ADGRV1: variants seen among roughly 807,000 people sequenced by gnomAD.
ADGRV1 encodes adhesion G protein-coupled receptor V1.
A neutral mutation model predicts 596.2 loss-of-function variants in ADGRV1; 359 were observed. That is an observed-to-expected ratio of 0.60 (90% CI 0.55 to 0.66). The LOEUF (loss-of-function observed/expected upper bound fraction) is 0.66. Ranked by LOEUF, ADGRV1 falls within the 30% of genes least tolerant of loss-of-function variation. The probability of loss-of-function intolerance (pLI) is 0.00; values close to 1 mark genes in which losing one functional copy is unlikely to be tolerated. For synonymous variants in ADGRV1, 2,681 were observed against 2,679.2 expected (o/e 1.00, Z -0.02); for missense variants, 7,274 against 7,575.6 (o/e 0.96, Z 1.48).
chr5:90,745,026 T>G lies in ADGRV1; in HGVS notation c.10550-20T>G. 6.3e-7 allele frequency: 1 copy of G among 1,597,822 alleles called. No homozygotes were observed. Among genetic ancestry groups the G allele is most frequent in the South Asian group, 1.1e-5 (1 of 90,294 alleles). On this transcript the variant is annotated intron_variant, in intron 50 of 89. Coordinates refer to ENST00000405460, the MANE Select transcript of ADGRV1 (RefSeq NM_032119.4). ...ACAGTTTATATCTCACTCAAGTTGTTTTTTCTTTCCTTCCTGCAGCCCACA... is the reference window on the plus strand; with the variant it reads ...ACAGTTTATATCTCACTCAAGTTGTGTTTTCTTTCCTTCCTGCAGCCCACA...
chr5:90,833,449 T>C (rs1157199211), intron 77 of ADGRV1, among the ~76,000 whole-genome samples: 3 of 152,030 alleles, frequency 2.0e-5, no homozygotes, highest in Non-Finnish European at 4.4e-5. Flanking sequence ...CACACCTGGC[T>C]AATTTTTGTA....
chr5:90,806,891 C>G (rs1204687664), intron 72 of ADGRV1, among the ~76,000 whole-genome samples: 1 of 151,368 alleles, frequency 6.6e-6, no homozygotes, highest in Non-Finnish European at 1.5e-5. Context: ...CTTGCTCTGT[C>G]ACCCATGCTG....
At chr5:90,724,277 T>C (rs1193890814) in intron 45 of ADGRV1, among the ~76,000 whole-genome samples, 2 of 152,296 alleles carry the variant, frequency 1.3e-5, no homozygotes, top group Admixed American at 1.3e-4. Flanking sequence ...TCACCCAAGC[T>C]GGAGTGCAGT....
chr5:90,999,322 A>G (rs560569096), intron 85 of ADGRV1, among the ~76,000 whole-genome samples: 2 of 152,152 alleles, frequency 1.3e-5, no homozygotes, highest in South Asian at 2.1e-4. Context: ...TCCATCTACA[A>G]TAATAGTACA....
At chr5:90,659,997 A>G (rs965637297) in intron 21 of ADGRV1, among the ~76,000 whole-genome samples, 4 of 151,952 alleles carry the variant, frequency 2.6e-5, no homozygotes, top group Admixed American at 6.6e-5. Context: ...GTGCCACTGC[A>G]CTCCAGCGTG....
rs114976233 is a variant in ADGRV1, at chr5:90,912,437, G to T, written c.17856+48580G>T. ...CATATGCAGATTTGTTAGTTACAGG[G>T]TATATTGCATGATGCTGAGGTTTGG... On this transcript the variant is annotated intron_variant, in intron 83 of 89. Transcript: ENST00000405460. 4.5e-3 allele frequency among the ~76,000 whole-genome samples: 691 copies of T among 152,224 alleles called. 3 individuals carry two copies. The highest frequency in any genetic ancestry group is 0.015 in the African/African-American group (638 of 41,548).
At chr5:91,039,774 T>C (rs2151269619) in intron 85 of ADGRV1, among the ~76,000 whole-genome samples, 1 of 152,186 alleles carries the variant, frequency 6.6e-6, no homozygotes, top group Middle Eastern at 3.2e-3. Context: ...TGCAGTAATA[T>C]ACATTAAAAG....
At chr5:90,731,641 G>T (rs1752560423) in intron 50 of ADGRV1, among the ~76,000 whole-genome samples, 1 of 152,172 alleles carries the variant, frequency 6.6e-6, no homozygotes, top group African/African-American at 2.4e-5. Flanking sequence ...AGCGACAGAG[G>T]ATTTGACCAG....
intron 79 of ADGRV1, among the ~76,000 whole-genome samples, chr5:90,851,102 G>GGTGT (rs371933419): frequency 0.048 from 2,429 of 50,510 alleles, 75 homozygotes; most frequent in Middle Eastern, 0.086. Context: ...AGCTAGGTAG[G>GGTGT]GTGTGTGTGT....
At chr5:90,795,829 G>A (rs1760641939) in intron 70 of ADGRV1, among the ~76,000 whole-genome samples, 1 of 152,220 alleles carries the variant, frequency 6.6e-6, no homozygotes, top group Non-Finnish European at 1.5e-5. Flanking sequence ...CTGTTCTGCA[G>A]CCTCTGCTGG....
chr5:91,114,245 G>T (rs955047677), intron 87 of ADGRV1, among the ~76,000 whole-genome samples: 2 of 150,886 alleles, frequency 1.3e-5, no homozygotes, highest in East Asian at 3.9e-4. Context: ...ACAGAAAGAT[G>T]GCTGGGTGCA....
intron 34 of ADGRV1, among the ~76,000 whole-genome samples, chr5:90,699,472 CAA>C (rs1381219861): frequency 6.6e-6 from 1 of 152,082 alleles, no homozygotes; most frequent in Non-Finnish European, 1.5e-5. Context: ...AAGGTACAAA[CAA>C]GAGCTGAGAT....
At chr5:90,786,886 G>A (rs1487099544) in intron 67 of ADGRV1, among the ~76,000 whole-genome samples, 2 of 152,132 alleles carry the variant, frequency 1.3e-5, no homozygotes, top group African/African-American at 2.4e-5. Context: ...GGCAGCATGC[G>A]ACTGTGTGTT....
At chr5:90,638,054 AGTC>A in intron 11 of ADGRV1, 106 bp downstream of exon 11, 2 of 792,986 alleles carry the variant, frequency 2.5e-6, no homozygotes, top group Non-Finnish European at 3.9e-6. Flanking sequence ...TAAAAAAAAA[AGTC>A]AAGTAAATAG....
intron 1 of ADGRV1, among the ~76,000 whole-genome samples, chr5:90,598,965 C>T (rs1287678874): frequency 6.6e-6 from 1 of 151,930 alleles, no homozygotes; most frequent in Non-Finnish European, 1.5e-5. Flanking sequence ...AGTACTGAAA[C>T]ACAGTTTGGG....
chr5:91,053,200 T>C (rs921762434), intron 85 of ADGRV1, among the ~76,000 whole-genome samples: 1 of 152,164 alleles, frequency 6.6e-6, no homozygotes, highest in Non-Finnish European at 1.5e-5. Context: ...ATATTACAGC[T>C]CTCTTGGGCT....
At chr5:91,134,829 G>T (rs571692242) in intron 87 of ADGRV1, among the ~76,000 whole-genome samples, 1 of 152,192 alleles carries the variant, frequency 6.6e-6, no homozygotes, top group East Asian at 1.9e-4. Context: ...GAAATTTAAA[G>T]TCAAGGTATA....
chr5:91,081,515 G>T (rs192531037), intron 86 of ADGRV1, among the ~76,000 whole-genome samples: 49 of 152,322 alleles, frequency 3.2e-4, no homozygotes, highest in African/African-American at 1.1e-3. Flanking sequence ...TGGGCATGGT[G>T]ACTCACGCCC....
chr5:90,715,667 TA>T (rs1168917784), intron 42 of ADGRV1, among the ~76,000 whole-genome samples: 5 of 141,870 alleles, frequency 3.5e-5, no homozygotes, highest in East Asian at 2.1e-4. Context: ...TTTTTTTTTT[TA>T]AATAGCTGAT....
Sources: gnomAD v4.1 joint callset for allele counts (sites outside exome capture counted in the v4.1 genomes callset) on GRCh38, gnomAD v4.1.1 for gene constraint, MANE v1.5 for transcripts, NCBI Gene and HGNC (gene_info 2026-07-23, HGNC 2026-07-21) for gene names.